Variants in MYO16 observed in about 807,000 individuals in gnomAD.
The protein encoded by MYO16 is myosin XVI, also known as unconventional myosin-XVI.
In MYO16, 94 loss-of-function variants were observed where a neutral mutation model predicts 205.3. The ratio of observed to expected loss-of-function variants is 0.46; its 90% CI spans 0.39 to 0.54. The LOEUF is 0.54. Among genes scored for constraint, MYO16 ranks in the 20% least tolerant of loss-of-function variants. MYO16 has a pLI of 0.00. For missense variants in MYO16, 2,315 were observed against 2,387.5 expected (o/e 0.97, Z 0.63); for synonymous variants, 988 against 954.0 (o/e 1.04, Z -0.66).
intron 4 of MYO16, among the ~76,000 whole-genome samples, chr13:108,777,555 A>T (rs9514906): frequency 0.34 from 51,492 of 151,872 alleles, 9,929 homozygotes; most frequent in East Asian, 0.63. Context: ...TCAGGAAGCT[A>T]TTGGCTAAGT....
chr13:109,205,006 C>T (rs1880540429), intron 34 of MYO16, among the ~76,000 whole-genome samples: 1 of 151,890 alleles, frequency 6.6e-6, no homozygotes. Context: ...ATCTGCCCAA[C>T]AGAATTTCTC....
intron 1 of MYO16, among the ~76,000 whole-genome samples, chr13:108,611,537 T>C (rs1337291226): frequency 6.6e-6 from 1 of 152,206 alleles, no homozygotes; most frequent in African/African-American, 2.4e-5. Flanking sequence ...GAAAGCTTTT[T>C]AAAGACCATT....
At chr13:108,570,724 C>A in the MYO16 span, among the ~76,000 whole-genome samples, 1 of 152,170 alleles carries the variant, frequency 6.6e-6, no homozygotes, top group Non-Finnish European at 1.5e-5. Context: ...TTCAGGAAGT[C>A]TTTTTATTCA....
At chr13:108,813,225 TAAG>T (rs1887348531) in intron 7 of MYO16, among the ~76,000 whole-genome samples, 1 of 152,184 alleles carries the variant, frequency 6.6e-6, no homozygotes, top group Non-Finnish European at 1.5e-5. Context: ...GTTTGGTTAA[TAAG>T]AAATCATAGT....
Position 109,184,943 on chromosome 13 carries a change from T to C in MYO16, c.5415+5310T>C, listed in dbSNP as rs142978476. Among the ~76,000 whole-genome samples, 121 of 152,228 alleles carry C rather than the reference T, an allele frequency of 7.9e-4. No homozygotes were observed. In the East Asian group the frequency reaches 0.017, roughly 21 times the overall value. On this transcript the variant is annotated intron_variant, in intron 34 of 34. Transcript: ENST00000457511. ...GCCATCATGCTCGGCTAATTTTTTA[T>C]ATACTTTTTTCAGTAGAGACGGGGT...
intron 1 of MYO16, among the ~76,000 whole-genome samples, chr13:108,620,933 C>A (rs947692328): frequency 6.6e-6 from 1 of 152,180 alleles, no homozygotes; most frequent in Non-Finnish European, 1.5e-5. Flanking sequence ...ATCCCCACCC[C>A]GCAGCCTGGC....
chr13:108,646,467 C>G (rs188113026), intron 1 of MYO16, among the ~76,000 whole-genome samples: 1 of 152,166 alleles, frequency 6.6e-6, no homozygotes, highest in Non-Finnish European at 1.5e-5. Flanking sequence ...GGGAATTCCT[C>G]GTGTCTCTCT....
At chr13:108,607,745 A>T (rs1879014126) in intron 1 of MYO16, among the ~76,000 whole-genome samples, 1 of 152,178 alleles carries the variant, frequency 6.6e-6, no homozygotes, top group Admixed American at 6.5e-5. Context: ...CGACACCTCC[A>T]CTGCCTCTTG....
intron 34 of MYO16, among the ~76,000 whole-genome samples, chr13:109,196,726 C>T (rs1315945889): frequency 6.6e-6 from 1 of 152,148 alleles, no homozygotes; most frequent in Non-Finnish European, 1.5e-5. Flanking sequence ...GAATGGATCC[C>T]TTTGTCAATT....
rs557235168 is a variant in MYO16 at position 109,168,681 on chromosome 13, C to T, written c.5323+3622C>T. ...CGGAGTTTGCAGTGAGCCCTGATCG[C>T]GCCACTGCACTCCAGCCTGGGTGAC... On this transcript the variant is annotated intron_variant, in intron 33 of 34. Coordinates refer to ENST00000457511, the MANE Select transcript of MYO16 (RefSeq NM_001198950.3). 4.6e-5 allele frequency among the ~76,000 whole-genome samples: 7 copies of T among 152,148 alleles called. No homozygotes were observed. The East Asian group carries it at 7.7e-4, about 17-fold the overall frequency.
At chr13:108,542,396 T>C in the MYO16 span, among the ~76,000 whole-genome samples, 1 of 152,158 alleles carries the variant, frequency 6.6e-6, no homozygotes, top group Non-Finnish European at 1.5e-5. Context: ...TGAAATAATC[T>C]GTAAACCAAC....
rs143278847 is a variant in MYO16, at chr13:108,780,258, G to A, written c.508-5377G>A. Among the ~76,000 whole-genome samples the A allele has an allele frequency of 4.9e-4, 74 of 152,120 alleles. No homozygotes were observed. The South Asian group carries it at 8.9e-3, about 18-fold the overall frequency. Reference sequence around the variant, plus strand: ...AATTTGTGTAGTTTAAAGAATGAAAGCAAGGCATTTTTTTCAAATGTTGGG... The same window carrying A: ...AATTTGTGTAGTTTAAAGAATGAAAACAAGGCATTTTTTTCAAATGTTGGG... On this transcript the variant is annotated intron_variant, in intron 4 of 34. Transcript: ENST00000457511.
intron 31 of MYO16, among the ~76,000 whole-genome samples, chr13:109,131,578 G>T (rs929486904): frequency 6.6e-6 from 1 of 152,138 alleles, no homozygotes; most frequent in Non-Finnish European, 1.5e-5. Flanking sequence ...CAACGTGCAG[G>T]TTTGTTACAT....
At chr13:108,837,632 G>T (rs900305641) in intron 9 of MYO16, among the ~76,000 whole-genome samples, 7 of 152,146 alleles carry the variant, frequency 4.6e-5, no homozygotes, top group South Asian at 2.1e-4. Context: ...GGGCTTAAAG[G>T]TTCAGGTGGT....
the MYO16 span, among the ~76,000 whole-genome samples, chr13:108,528,760 C>G: frequency 7.7e-6 from 1 of 129,470 alleles, no homozygotes; most frequent in Non-Finnish European, 1.7e-5. Flanking sequence ...CCTTTGCCTC[C>G]CCTCTCCCCT....
At chr13:108,544,332 A>G in the MYO16 span, among the ~76,000 whole-genome samples, 1 of 152,136 alleles carries the variant, frequency 6.6e-6, no homozygotes, top group Non-Finnish European at 1.5e-5. Flanking sequence ...AAGTGAAAGA[A>G]TTCACTGAGC....
intron 20 of MYO16, among the ~76,000 whole-genome samples, chr13:108,985,887 C>T (rs994298624): frequency 5.3e-5 from 8 of 152,194 alleles, no homozygotes; most frequent in Non-Finnish European, 1.2e-4. Context: ...GTTTTATTGA[C>T]GTATGTATTA....
Position 108,888,382 on chromosome 13 carries a change from G to T in MYO16, c.1564G>T (p.Gly522Ter). Residue 522 changes from glycine to a stop codon, truncating the protein, a stop_gained, in exon 14 of 35, where the codon GGA (glycine) becomes TGA (stop). Coordinates refer to ENST00000457511, the MANE Select transcript of MYO16 (RefSeq NM_001198950.3). LOFTEE classifies it high-confidence loss of function. ...PQCFILSGER[G>*]SGKSEASKQI... ...CTCTGTTTTCCTTAGTGGAGAAAGG[G>T]GATCAGGAAAGTCTGAAGCCAGCAA... is the stretch of plus-strand genomic sequence containing the variant. 6.3e-7 allele frequency: 1 copy of T among 1,595,860 alleles called. No individual in the cohort carries two copies. Among genetic ancestry groups the T allele is most frequent in the Non-Finnish European group, 8.5e-7 (1 of 1,171,808 alleles).
At chr13:108,725,045 T>C (rs1017569868) in intron 3 of MYO16, among the ~76,000 whole-genome samples, 1 of 152,184 alleles carries the variant, frequency 6.6e-6, no homozygotes, top group African/African-American at 2.4e-5. Context: ...GTTGCTGCTT[T>C]GGATTTCATT....
Sources: allele counts gnomAD v4.1 joint callset (sites outside exome capture counted in the v4.1 genomes callset), GRCh38; gene constraint gnomAD v4.1.1; transcripts MANE v1.5; gene names NCBI Gene and HGNC (gene_info 2026-07-23, HGNC 2026-07-21).